Variants in PCDHGA5 observed in about 807,000 individuals in gnomAD.
PCDHGA5 encodes protocadherin gamma-A5.
In PCDHGA5, 36 loss-of-function variants were observed where a neutral mutation model predicts 56.7. The ratio of observed to expected loss-of-function variants is 0.64; its 90% confidence interval spans 0.49 to 0.84. PCDHGA5 has a LOEUF of 0.84. Ranked by LOEUF, PCDHGA5 falls within the 40% of genes least tolerant of loss-of-function variation. The pLI is 0.00. For synonymous variants in PCDHGA5, 563 were observed against 520.2 expected (o/e 1.08, Z -1.12); for missense variants, 1,305 against 1,201.5 (o/e 1.09, Z -1.27).
intron 1 of PCDHGA5, among the ~76,000 whole-genome samples, chr5:141,453,479 A>G (rs1345415084): frequency 1.3e-5 from 2 of 152,082 alleles, no homozygotes; most frequent in Non-Finnish European, 2.9e-5. Context: ...AGTCAAAACT[A>G]TTAAAAAAAG....
chr5:141,509,024 C>T (rs2099873840), intron 3 of PCDHGA5, among the ~76,000 whole-genome samples: 1 of 152,108 alleles, frequency 6.6e-6, no homozygotes, highest in African/African-American at 2.4e-5. Flanking sequence ...GCTGCTCCCT[C>T]CCACTCAACC....
rs70988800 is a variant in PCDHGA5 at position 141,379,889 on chromosome 5, C to CTTTTTTTTTTTTTTTTT, written c.2421+13152_2421+13168dup. On this transcript the variant is annotated intron_variant, in intron 1 of 3. Transcript: ENST00000518069. ...CTTATTTTATGGTCTGTGAAAGCCT[C>CTTTTTTTTTTTTTTTTT]TTTTTTTTTTTTTTTTTTTTTTTTT... Among the ~76,000 whole-genome samples the CTTTTTTTTTTTTTTTTT allele has an allele frequency of 3.2e-3, 165 of 50,828 alleles. 28 individuals carry two copies. Among genetic ancestry groups the CTTTTTTTTTTTTTTTTT allele is most frequent in the Non-Finnish European group, 4.5e-3 (116 of 25,882 alleles). The allele number at this position is 50,828 out of a possible 152,430, so 33.3% of individuals were successfully genotyped here. A position where few individuals can be genotyped will look rare whatever the true frequency, so the allele number is the denominator to read the frequency against.
chr5:141,427,126 C>T (rs1216633922), intron 1 of PCDHGA5: 1 of 457,282 alleles, frequency 2.2e-6, no homozygotes, highest in Non-Finnish European at 4.4e-6. Context: ...TCTTTCAAAT[C>T]CCTACGAGAT....
At chr5:141,399,002 C>G in intron 1 of PCDHGA5, 6 of 1,613,830 alleles carry the variant, frequency 3.7e-6, no homozygotes, top group Non-Finnish European at 4.2e-6. Context: ...AGTCTGAATT[C>G]AAAGAGCGGA....
At chr5:141,415,015 A>C (rs2095814085) in intron 1 of PCDHGA5, 1 of 1,613,598 alleles carries the variant, frequency 6.2e-7, no homozygotes, top group East Asian at 2.2e-5. Flanking sequence ...CCGTCTGCTC[A>C]AGGCCAGCGA....
intron 1 of PCDHGA5, chr5:141,433,331 C>G: frequency 1.4e-6 from 1 of 699,624 alleles, no homozygotes; most frequent in South Asian, 1.9e-5. Context: ...GTAACAGGGA[C>G]TACAGGTGCA....
chr5:141,372,172 C>T (rs1474578874), intron 1 of PCDHGA5: 17 of 1,613,604 alleles, frequency 1.1e-5, no homozygotes, highest in African/African-American at 4.0e-5. Context: ...AAGGTGGTGG[C>T]GGTGGACGCA....
At chr5:141,478,567 C>A in intron 1 of PCDHGA5, 1 of 1,593,812 alleles carries the variant, frequency 6.3e-7, no homozygotes, top group Non-Finnish European at 8.6e-7. Flanking sequence ...GCAAGTCATG[C>A]TTGACCCTGT....
chr5:141,420,252 C>G (rs745697672), intron 1 of PCDHGA5: 2 of 1,576,604 alleles, frequency 1.3e-6, no homozygotes, highest in Non-Finnish European at 1.7e-6. Flanking sequence ...AGCGTTGAAG[C>G]AGATAAGAAG....
At chr5:141,397,467 G>A (rs1052329651) in intron 1 of PCDHGA5, among the ~76,000 whole-genome samples, 1 of 152,176 alleles carries the variant, frequency 6.6e-6, no homozygotes, top group East Asian at 1.9e-4. Flanking sequence ...ATATTGGGGA[G>A]TTGGAAATCA....
chr5:141,415,406 T>G, intron 1 of PCDHGA5: 1 of 1,614,208 alleles, frequency 6.2e-7, no homozygotes. Flanking sequence ...GGCTCGCACT[T>G]TGTGGGCGTG....
At position 141,489,870 on chromosome 5, in the gene PCDHGA5, G is replaced by T; in HGVS notation, c.2422-4937G>T. On this transcript the variant is annotated intron_variant, in intron 1 of 3. Transcript: ENST00000518069. The surrounding 1 kb of genome is among the most constrained non-coding windows in gnomAD (Gnocchi z 4.5). ...GTGAAGCCCAGGCAAGACATCAGCT[G>T]GTGCTTACTGCTGTGGATGGGGGGA... 1.2e-6 allele frequency: 2 copies of T among 1,614,220 alleles called. No individual in the cohort carries two copies. The highest frequency in any genetic ancestry group is 1.7e-6 in the Non-Finnish European group (2 of 1,180,024).
At chr5:141,408,834 T>G in intron 1 of PCDHGA5, 1 of 1,613,696 alleles carries the variant, frequency 6.2e-7, no homozygotes, top group Non-Finnish European at 8.5e-7. Context: ...CATAGCTTGA[T>G]ATTGACTGCC....
At chr5:141,382,174 T>C (rs565518933) in intron 1 of PCDHGA5, among the ~76,000 whole-genome samples, 1 of 152,302 alleles carries the variant, frequency 6.6e-6, no homozygotes, top group African/African-American at 2.4e-5. Context: ...TTAGACCGTC[T>C]CTAAGGTTCT....
intron 1 of PCDHGA5, chr5:141,400,525 G>A: frequency 6.2e-7 from 1 of 1,613,908 alleles, no homozygotes; most frequent in Non-Finnish European, 8.5e-7. Context: ...TCCTGAGTTG[G>A]TGAGTTTCAT....
At position 141,372,426 on chromosome 5, in the gene PCDHGA5, C is replaced by A; in HGVS notation, c.2421+5675C>A. ...AGAGATACAACCTGACCTTAGCGAC[C>A]GCCCCACTCCCTCTGACCCTCAGGC... On this transcript the variant is annotated intron_variant, in intron 1 of 3. Coordinates refer to ENST00000518069, the MANE Select transcript of PCDHGA5 (RefSeq NM_018918.3). 1 of 1,614,026 alleles carries A rather than the reference C, an allele frequency of 6.2e-7. No individual in the cohort carries two copies. Among genetic ancestry groups the A allele is most frequent in the Non-Finnish European group, 8.5e-7 (1 of 1,179,890 alleles).
At chr5:141,436,676 G>T (rs1019010328) in intron 1 of PCDHGA5, among the ~76,000 whole-genome samples, 1 of 152,238 alleles carries the variant, frequency 6.6e-6, no homozygotes, top group African/African-American at 2.4e-5. Flanking sequence ...ACCAAAAAAA[G>T]GATTTATATT....
rs557973676 is a variant in PCDHGA5, at chr5:141,429,315, T to C, written c.2421+62564T>C. 9.2e-5 allele frequency among the ~76,000 whole-genome samples: 14 copies of C among 152,298 alleles called. No individual in the cohort carries two copies. In the South Asian group the frequency reaches 2.9e-3, roughly 32 times the overall value. ...ACATCAATATTTGAGTATATAAGGC[T>C]TTTTCTTTAATCCATTAACTATAAA... On this transcript the variant is annotated intron_variant, in intron 1 of 3. Transcript: ENST00000518069.
chr5:141,375,791 G>C (rs374657173), intron 1 of PCDHGA5: 1 of 1,614,232 alleles, frequency 6.2e-7, no homozygotes, highest in Non-Finnish European at 8.5e-7. Flanking sequence ...CCTCCCCACA[G>C]ACGGTTCCAC....
Sources: allele counts gnomAD v4.1 joint callset (sites outside exome capture counted in the v4.1 genomes callset), GRCh38; gene constraint gnomAD v4.1.1; non-coding constraint Gnocchi (gnomAD v3.1); transcripts MANE v1.5; gene names NCBI Gene and HGNC (gene_info 2026-07-23, HGNC 2026-07-21).